Variants in RPAP1 observed in about 807,000 individuals in gnomAD.
The protein encoded by RPAP1 is RNA polymerase II-associated protein 1.
Under a neutral mutation model 142.4 loss-of-function variants are expected in RPAP1, and 109 were observed. That is an observed-to-expected ratio of 0.77 (90% CI 0.66 to 0.90). The LOEUF is 0.90. Among genes scored for constraint, RPAP1 ranks in the 40% least tolerant of loss-of-function variants. The pLI, the probability that RPAP1 is intolerant of heterozygous loss-of-function variation, is 0.00. For synonymous variants in RPAP1, 704 were observed against 738.9 expected (o/e 0.95, Z 0.77); for missense variants, 1,546 against 1,751.7 (o/e 0.88, Z 2.10).
chr15:41,526,309 G>A (rs1270521933), intron 14 of RPAP1, among the ~76,000 whole-genome samples: 1 of 152,178 alleles, frequency 6.6e-6, no homozygotes, highest in Non-Finnish European at 1.5e-5. Flanking sequence ...GCAGTGATTG[G>A]TGCAACCAGC....
chr15:41,528,592 T>C (rs1566886790), intron 9 of RPAP1, among the ~76,000 whole-genome samples: 3 of 151,996 alleles, frequency 2.0e-5, no homozygotes, highest in Admixed American at 6.6e-5. Flanking sequence ...GAAAATTAAA[T>C]TGGTCTCAGT....
intron 5 of RPAP1, 144 bp from the exon 6 acceptor site, chr15:41,535,079 C>A: frequency 1.4e-6 from 1 of 718,872 alleles, no homozygotes; most frequent in Non-Finnish European, 2.2e-6. Context: ...CTGGGTCTGG[C>A]ACAGGGACTC....
At chr15:41,532,044 CAG>C (rs2051857491) in intron 6 of RPAP1, among the ~76,000 whole-genome samples, 1 of 146,000 alleles carries the variant, frequency 6.8e-6, no homozygotes, top group East Asian at 2.0e-4. Flanking sequence ...TTTTTTGAGA[CAG>C]AGTCTCACTC....
chr15:41,524,169 G>C lies in RPAP1; in HGVS notation c.2161C>G (p.Arg721Gly). 2 of 1,597,636 alleles carry C rather than the reference G, an allele frequency of 1.3e-6. No individual in the cohort carries two copies. Among genetic ancestry groups the C allele is most frequent in the Non-Finnish European group, 1.7e-6 (2 of 1,171,080 alleles). ...AGGAGAGTGAGCAGTGAGGCTATCCGCTGCATGGACAGGGGTTGAGGTGGG... is the reference window on the plus strand; with the variant it reads ...AGGAGAGTGAGCAGTGAGGCTATCCCCTGCATGGACAGGGGTTGAGGTGGG... ...THPPQPLSMQ[R>G]IASLLTLLTQ... is the part of the protein sequence containing the mutation. Residue 721 changes from arginine (R) to glycine (G), a missense_variant, in exon 16 of 25, where the codon CGG becomes GGG. Coordinates refer to ENST00000304330, the MANE Select transcript of RPAP1 (RefSeq NM_015540.4).
chr15:41,520,216 G>A (rs1463301589), intron 22 of RPAP1, 175 bp downstream of exon 22: 3 of 706,340 alleles, frequency 4.2e-6, no homozygotes, highest in East Asian at 5.5e-5. Flanking sequence ...TTACAGGCGT[G>A]AGCCACCACA....
rs577576000 is a variant in RPAP1, at chr15:41,529,926, C to T, written c.997G>A (p.Glu333Lys). ...TGGGTCCAGTGGAGCTTCTCCAGCT[C>T]GACAGTGTCCATGTGCAGCCATTCT... ...QKEWLHMDTV[E>K]LEKLHWTQDL... is the part of the protein sequence containing the mutation. Residue 333 changes from glutamate (E) to lysine (K), a missense_variant, in exon 8 of 25, where the codon GAG becomes AAG. Physicochemically the swap from Glu to Lys is moderately conservative, Grantham distance 56. Around this residue, in one of 3 missense-constraint regions of RPAP1, gnomAD observed 1,333 missense variants for 1,486.6 expected, o/e 0.90. Transcript: ENST00000304330. The T allele has an allele frequency of 3.7e-6, 6 of 1,613,978 alleles. No individual in the cohort carries two copies. Among genetic ancestry groups the T allele is most frequent in the African/African-American group, 2.7e-5 (2 of 75,040 alleles).
intron 17 of RPAP1, 83 bp downstream of exon 17, chr15:41,523,688 G>A (rs1454511578): frequency 1.7e-6 from 2 of 1,170,190 alleles, no homozygotes; most frequent in African/African-American, 3.0e-5. Flanking sequence ...GTGGAGAGAT[G>A]GACACAGAGA....
At position 41,523,823 on chromosome 15, in the gene RPAP1, G is replaced by A. The variant is rs1416723050; in HGVS notation, c.2384C>T (p.Pro795Leu). 6.2e-7 allele frequency: 1 copy of A among 1,609,796 alleles called. No homozygotes were observed. Among genetic ancestry groups the A allele is most frequent in the Non-Finnish European group, 8.5e-7 (1 of 1,178,214 alleles). ...PEMWRAVGPV[P>L]VACLLFLGAY... is the part of the protein sequence containing the mutation. Reference sequence around the variant, plus strand: ...TCCCAGGAACAACAGGCAGGCAACGGGCACTGGGCCCACGGCTCTCCACAT... The same window carrying A: ...TCCCAGGAACAACAGGCAGGCAACGAGCACTGGGCCCACGGCTCTCCACAT... The change falls in exon 17 of 25, where the codon CCC (proline) becomes CTC (leucine). Residue 795 changes from proline to leucine, a missense_variant. Physicochemically the swap from Pro to Leu is moderately conservative, Grantham distance 98. This residue lies in a region of RPAP1 where 1,333 missense variants were observed against 1,486.6 expected (regional missense o/e 0.90). Coordinates refer to ENST00000304330, the MANE Select transcript of RPAP1 (RefSeq NM_015540.4).
At chr15:41,540,143 G>T (rs1041114462) in intron 1 of RPAP1, among the ~76,000 whole-genome samples, 14 of 152,124 alleles carry the variant, frequency 9.2e-5, no homozygotes, top group African/African-American at 3.4e-4. Context: ...AAGCTGGCTG[G>T]CTAGTTTTGG....
rs1325418805 is a variant in RPAP1, at chr15:41,518,112, C to T, written c.3866G>A (p.Arg1289Gln). Residue 1289 changes from arginine to glutamine, a missense_variant, in exon 23 of 25, where the codon CGG becomes CAG. Physicochemically the swap from Arg to Gln is conservative, Grantham distance 43. This residue lies in a region of RPAP1 where 210 missense variants were observed against 248.0 expected (regional missense o/e 0.85). Coordinates refer to ENST00000304330, the MANE Select transcript of RPAP1 (RefSeq NM_015540.4). ...GCGGAGCGCACCAGTAACCAGGGTC[C>T]GGAAGTAGAGCTGAAGGAGGGCCAG... The part of the protein sequence containing the change: ...DNLALLQLYF[R>Q]TLVTGALRPR... 5.0e-6 allele frequency: 8 copies of T among 1,605,256 alleles called. No individual in the cohort carries two copies. Among genetic ancestry groups the T allele is most frequent in the Non-Finnish European group, 5.9e-6 (7 of 1,177,648 alleles).
In RPAP1 at chr15:41,517,437, G is replaced by C; in HGVS notation, c.*105C>G. The C allele has an allele frequency of 9.0e-7, 1 of 1,114,882 alleles. No individual in the cohort carries two copies. The highest frequency in any genetic ancestry group is 1.7e-5 in the South Asian group (1 of 60,288). The allele number at this position is 1,114,882 out of a possible 1,614,324, so 69.1% of individuals were successfully genotyped here. On this transcript the variant is annotated 3_prime_UTR_variant, in exon 25 of 25. Transcript: ENST00000304330. ...AGGAAGGCAAGCCTTCTGCTCCTTG[G>C]TCTCCTGCCTACCATTAGGACACAA...
chr15:41,522,060 T>C lies in RPAP1; in HGVS notation c.2895+38A>G, dbSNP rs527294884. 6.9e-6 allele frequency: 11 copies of C among 1,605,018 alleles called. No homozygotes were observed. In the South Asian group the frequency reaches 8.8e-5, roughly 13 times the overall value. ...TTCCACAGAAACAGGAAGGAGATAA[T>C]GGGATGACAGGAGAACCTGTCAGAC... On this transcript the variant is annotated intron_variant, in intron 20 of 24. Transcript: ENST00000304330.
At chr15:41,530,887 G>T (rs898369491) in intron 7 of RPAP1, 136 bp downstream of exon 7, 5 of 838,524 alleles carry the variant, frequency 6.0e-6, no homozygotes, top group Non-Finnish European at 9.4e-6. Flanking sequence ...AGACTGACTT[G>T]AAGCCAATAA....
At chr15:41,536,408 G>A (rs1229753890) in intron 3 of RPAP1, 93 bp downstream of exon 3, 9 of 1,510,982 alleles carry the variant, frequency 6.0e-6, no homozygotes, top group Non-Finnish European at 6.3e-6. Context: ...CCTTTCTGAA[G>A]CACCCTCCAC....
chr15:41,521,161 C>G lies in RPAP1; in HGVS notation c.3039-14G>C. The G allele has an allele frequency of 6.6e-7, 1 of 1,509,074 alleles. No homozygotes were observed. The highest frequency in any genetic ancestry group is 1.4e-5 in the South Asian group (1 of 73,752). The allele number at this position is 1,509,074 out of a possible 1,614,324, so 93.5% of individuals were successfully genotyped here. On this transcript the variant is annotated splice_polypyrimidine_tract_variant and intron_variant, in intron 21 of 24. Transcript: ENST00000304330. ...GATGTTCTTTCCCTGTAATGGGACC[C>G]AAAAGCCAAAAATGAGGGCTGGAAC...
At position 41,517,551 on chromosome 15, in the gene RPAP1, T is replaced by C. The variant is rs759379127; in HGVS notation, c.4173A>G (p.Ser1391=). ...ATCTATATCAACTATCCTAGGTCTCTGATACCCCATTTTGGAGCACTGTTG... is the reference window on the plus strand; with the variant it reads ...ATCTATATCAACTATCCTAGGTCTCCGATACCCCATTTTGGAGCACTGTTG... ...LTSTVLQNGV[S]ET is the part of the protein sequence containing the mutation. The change falls in exon 25 of 25, where the codon TCA becomes TCG. Residue 1391 remains serine (S), a synonymous_variant. Transcript: ENST00000304330. The C allele has an allele frequency of 3.2e-6, 5 of 1,566,106 alleles. No homozygotes were observed. In the Admixed American group the frequency reaches 9.6e-5, roughly 30 times the overall value.
chr15:41,537,263 C>G, intron 1 of RPAP1, 62 bp from the exon 2 acceptor site: 7 of 785,360 alleles, frequency 8.9e-6, no homozygotes, highest in Non-Finnish European at 1.4e-5. Context: ...TATTGGGCAA[C>G]AGCGAAGATC....
chr15:41,541,524 A>G (rs1243142456), intron 1 of RPAP1, among the ~76,000 whole-genome samples: 3 of 152,024 alleles, frequency 2.0e-5, no homozygotes, highest in African/African-American at 7.2e-5. Flanking sequence ...ATGGAGAGGT[A>G]GACAAGCTAG....
At chr15:41,524,664 CG>C (rs1260247947) in intron 15 of RPAP1, among the ~76,000 whole-genome samples, 1 of 151,844 alleles carries the variant, frequency 6.6e-6, no homozygotes, top group Non-Finnish European at 1.5e-5. Context: ...TTAATAGAGA[CG>C]GGGTTTCACC....
Sources: allele counts gnomAD v4.1 joint callset (sites outside exome capture counted in the v4.1 genomes callset), GRCh38; gene constraint gnomAD v4.1.1; regional missense constraint gnomAD v4.1.1; transcripts MANE v1.5; gene names NCBI Gene and HGNC (gene_info 2026-07-23, HGNC 2026-07-21).